Variants in BCAS3 observed in about 807,000 individuals in gnomAD.
BCAS3 encodes BCAS4/BCAS3 fusion.
Under a neutral mutation model 116.1 loss-of-function variants are expected in BCAS3, and 53 were observed. That is an observed-to-expected ratio of 0.46 (90% CI 0.37 to 0.57). The LOEUF is 0.57. BCAS3 is among the 20% of genes least tolerant of loss of function. The pLI is 0.00. For missense variants in BCAS3, 917 were observed against 1,165.4 expected (o/e 0.79, Z 3.10); for synonymous variants, 391 against 408.2 (o/e 0.96, Z 0.51).
chr17:61,380,384 C>G lies in BCAS3; in HGVS notation c.2594-11593C>G. The G allele has an allele frequency of 1.2e-6, 1 of 862,804 alleles. No individual in the cohort carries two copies. Among genetic ancestry groups the G allele is most frequent in the Non-Finnish European group, 1.9e-6 (1 of 538,704 alleles). The allele number at this position is 862,804 out of a possible 1,614,324, so 53.4% of individuals were successfully genotyped here. On this transcript the variant is annotated intron_variant, in intron 23 of 23. Transcript: ENST00000407086. The surrounding 1 kb of genome is among the most constrained non-coding windows in gnomAD (Gnocchi z 4.2). ...CCTGGGAACAGACCATGAACACCCC[C>G]GCAAAGCTCTCAGTGGTCAAACCAG...
rs897727421 is a variant in BCAS3, at chr17:61,307,043, A to T, written c.2426-61284A>T. ...TGGGCCTTTGCCCCCAGCTTCTGTG[A>T]TTCTCTCAAAGGTCTTTCAGTATTG... On this transcript the variant is annotated intron_variant, in intron 22 of 23. Coordinates refer to ENST00000407086, the MANE Select transcript of BCAS3 (RefSeq NM_017679.5). The surrounding 1 kb of genome is among the most constrained non-coding windows in gnomAD (Gnocchi z 4.7). 5.3e-5 allele frequency among the ~76,000 whole-genome samples: 8 copies of T among 152,172 alleles called. No homozygotes were observed. Among genetic ancestry groups the T allele is most frequent in the Admixed American group, 2.6e-4 (4 of 15,274 alleles).
At chr17:60,732,551 A>G (rs2040562260) in intron 5 of BCAS3, among the ~76,000 whole-genome samples, 1 of 152,170 alleles carries the variant, frequency 6.6e-6, no homozygotes, top group African/African-American at 2.4e-5. Flanking sequence ...TAGTGAGTTC[A>G]AGAACTGGGC....
At chr17:61,001,924 A>G (rs1465351634) in intron 15 of BCAS3, among the ~76,000 whole-genome samples, 2 of 152,150 alleles carry the variant, frequency 1.3e-5, no homozygotes, top group African/African-American at 2.4e-5. Flanking sequence ...GAGTGACCTC[A>G]TAATACCTTC....
At chr17:60,878,349 A>C (rs879806689) in intron 9 of BCAS3, among the ~76,000 whole-genome samples, 1 of 152,062 alleles carries the variant, frequency 6.6e-6, no homozygotes, top group East Asian at 1.9e-4. Flanking sequence ...ATTTTAATAT[A>C]GTTGTCAGAA....
intron 6 of BCAS3, among the ~76,000 whole-genome samples, chr17:60,807,037 T>A (rs2048343702): frequency 6.6e-6 from 1 of 152,138 alleles, no homozygotes. Flanking sequence ...ACCTGTGACA[T>A]TTGCTGTAGA....
chr17:60,984,732 A>G (rs1434472630), intron 14 of BCAS3, among the ~76,000 whole-genome samples: 16 of 152,094 alleles, frequency 1.1e-4, no homozygotes, highest in Admixed American at 1.0e-3. Flanking sequence ...TGTTTTATCC[A>G]GGCACAGTGG....
In BCAS3 at chr17:61,039,981, A is replaced by G. The variant is rs185210378; in HGVS notation, c.1929-811A>G. ...AAGCCTTATAGGAATGTTTATTAAG[A>G]ATCAGAGTCCATCTCAAACGTGCAT... is the stretch of plus-strand genomic sequence containing the variant. On this transcript the variant is annotated intron_variant, in intron 18 of 23. Transcript: ENST00000407086. Among the ~76,000 whole-genome samples the G allele has an allele frequency of 6.0e-4, 92 of 152,328 alleles. 1 individual carries two copies. Among genetic ancestry groups the G allele is most frequent in the Non-Finnish European group, 2.6e-4 (18 of 68,032 alleles).
intron 5 of BCAS3, among the ~76,000 whole-genome samples, chr17:60,712,021 C>T (rs573711082): frequency 2.0e-4 from 31 of 151,948 alleles, no homozygotes; most frequent in African/African-American, 5.5e-4. Flanking sequence ...AAAAATTAGC[C>T]GGGCATGATG....
chr17:60,834,552 G>T (rs2051204755), intron 7 of BCAS3, among the ~76,000 whole-genome samples: 1 of 151,998 alleles, frequency 6.6e-6, no homozygotes, highest in South Asian at 2.1e-4. Context: ...TACATTGGTA[G>T]ATTATCAAGT....
chr17:61,054,336 C>T (rs1472918371), intron 19 of BCAS3, among the ~76,000 whole-genome samples: 2 of 152,152 alleles, frequency 1.3e-5, no homozygotes, highest in East Asian at 1.9e-4. Flanking sequence ...AAAAAGTGTG[C>T]GTGTCGTACC....
intron 13 of BCAS3, among the ~76,000 whole-genome samples, chr17:60,944,274 G>A (rs868378792): frequency 6.6e-6 from 1 of 151,788 alleles, no homozygotes; most frequent in Non-Finnish European, 1.5e-5. Flanking sequence ...ATGAAAAAGT[G>A]GATATCATTA....
chr17:60,962,815 A>T lies in BCAS3; in HGVS notation c.1221+15463A>T, dbSNP rs1175143804. Among the ~76,000 whole-genome samples the T allele has an allele frequency of 6.6e-6, 1 of 152,232 alleles. No individual in the cohort carries two copies. The highest frequency in any genetic ancestry group is 2.4e-5 in the African/African-American group (1 of 41,464). On this transcript the variant is annotated intron_variant, in intron 14 of 23. Coordinates refer to ENST00000407086, the MANE Select transcript of BCAS3 (RefSeq NM_017679.5). The surrounding 1 kb of genome is among the most constrained non-coding windows in gnomAD (Gnocchi z 4.4). ...GGTCTTACACAAAAAGGCTTTGCCC[A>T]GACCAATGTCCTGGACTGTTTCTCC...
At chr17:61,195,094 C>T (rs1286279089) in intron 22 of BCAS3, among the ~76,000 whole-genome samples, 7 of 152,218 alleles carry the variant, frequency 4.6e-5, no homozygotes, top group Non-Finnish European at 1.0e-4. Context: ...TAAATGATCA[C>T]TTATTACAAA....
intron 7 of BCAS3, among the ~76,000 whole-genome samples, chr17:60,825,312 A>G (rs1238770841): frequency 1.3e-5 from 2 of 151,706 alleles, no homozygotes; most frequent in African/African-American, 4.8e-5. Flanking sequence ...TATCTTAGTA[A>G]TATACATTTT....
At chr17:61,038,167 A>G (rs2145610419) in intron 18 of BCAS3, 113 bp downstream of exon 18, 1 of 902,294 alleles carries the variant, frequency 1.1e-6, no homozygotes, top group South Asian at 1.9e-5. Flanking sequence ...CATCACCACA[A>G]TTAACATGGT....
intron 22 of BCAS3, among the ~76,000 whole-genome samples, chr17:61,322,785 A>C (rs1287717063): frequency 8.0e-6 from 1 of 124,850 alleles, no homozygotes; most frequent in East Asian, 2.5e-4. Flanking sequence ...CTCTCTTGAG[A>C]GAGAGAGACA....
chr17:60,680,134 CAAAA>C (rs11442352), intron 2 of BCAS3, among the ~76,000 whole-genome samples: 5 of 108,370 alleles, frequency 4.6e-5, no homozygotes, highest in East Asian at 2.5e-4. Flanking sequence ...ACTCTGTCTC[CAAAA>C]AAAAAAAAAA....
rs1233470521 is a variant in BCAS3, at chr17:61,309,297, C to T, written c.2426-59030C>T. On this transcript the variant is annotated intron_variant, in intron 22 of 23. Transcript: ENST00000407086. The surrounding 1 kb of genome is among the most constrained non-coding windows in gnomAD (Gnocchi z 4.6). ...ACCCAGAGTCCCCTTTCGTCCTCCC[C>T]ATTCATTCTAGGGTAATAAGGGCTG... Among the ~76,000 whole-genome samples the T allele has an allele frequency of 6.6e-6, 1 of 152,166 alleles. No homozygotes were observed. Among genetic ancestry groups the T allele is most frequent in the African/African-American group, 2.4e-5 (1 of 41,434 alleles).
At chr17:61,157,354 C>T (rs923491533) in intron 22 of BCAS3, 3 of 152,144 alleles carry the variant, frequency 2.0e-5, no homozygotes, top group Non-Finnish European at 2.9e-5. Flanking sequence ...CTCTTAGACT[C>T]ATATTACTAT....
Sources: allele counts gnomAD v4.1 joint callset (sites outside exome capture counted in the v4.1 genomes callset), GRCh38; gene constraint gnomAD v4.1.1; non-coding constraint Gnocchi (gnomAD v3.1); transcripts MANE v1.5; gene names NCBI Gene and HGNC (gene_info 2026-07-23, HGNC 2026-07-21).